ALCAM: variants seen among roughly 807,000 people sequenced by gnomAD.
ALCAM encodes the protein activated leukocyte cell adhesion molecule, also known as CD166 antigen.
Under a neutral mutation model 70.9 loss-of-function variants are expected in ALCAM, and 30 were observed. The ratio of observed to expected loss-of-function variants is 0.42; its 90% CI spans 0.32 to 0.57. The LOEUF (loss-of-function observed/expected upper bound fraction) is 0.57. Ranked by LOEUF, ALCAM falls within the 20% of genes least tolerant of loss-of-function variation. The probability of loss-of-function intolerance (pLI) is 0.11; values close to 1 mark genes in which losing one functional copy is unlikely to be tolerated. For synonymous variants in ALCAM, 249 were observed against 242.5 expected, an observed-to-expected ratio of 1.03 and a Z score of -0.25; for missense variants, 591 against 695.1, an observed-to-expected ratio of 0.85 and a Z score of 1.68.
chr3:105,375,117 T>C (rs1470133181), intron 1 of ALCAM, among the ~76,000 whole-genome samples: 1 of 152,234 alleles, frequency 6.6e-6, no homozygotes, highest in Non-Finnish European at 1.5e-5. Context: ...TCAACTTGTG[T>C]GTTACCTATT....
intron 1 of ALCAM, among the ~76,000 whole-genome samples, chr3:105,478,108 A>C (rs2152606401): frequency 6.6e-6 from 1 of 151,826 alleles, no homozygotes; most frequent in African/African-American, 2.4e-5. Context: ...TGTTTCTTCT[A>C]CTATCTAGTA....
intron 1 of ALCAM, among the ~76,000 whole-genome samples, chr3:105,400,449 C>A (rs1358977559): frequency 6.6e-6 from 1 of 152,014 alleles, no homozygotes; most frequent in Admixed American, 6.6e-5. Context: ...TTCATTGATA[C>A]TGTGAAGGAG....
Position 105,576,492 on chromosome 3 carries a change from G to C in ALCAM, c.*2041G>C, listed in dbSNP as rs1008622613. ...AAGAAGCAACATGACAATAGAGAGA[G>C]TTATGCTACAATTATTTCTTGGTTT... On this transcript the variant is annotated 3_prime_UTR_variant, in exon 16 of 16. Coordinates refer to ENST00000306107, the MANE Select transcript of ALCAM (RefSeq NM_001627.4). 1.3e-4 allele frequency: 20 copies of C among 152,534 alleles called. No individual in the cohort carries two copies. The highest frequency in any genetic ancestry group is 3.9e-4 in the African/African-American group (16 of 41,426). The allele number at this position is 152,534 out of a possible 1,614,324, so 9.4% of individuals were successfully genotyped here. A position where few individuals can be genotyped will look rare whatever the true frequency, so the allele number is the denominator to read the frequency against.
chr3:105,377,623 T>C (rs1391291064), intron 1 of ALCAM, among the ~76,000 whole-genome samples: 1 of 152,042 alleles, frequency 6.6e-6, no homozygotes, highest in Non-Finnish European at 1.5e-5. Flanking sequence ...AAAACCTATA[T>C]TGGTGCCTAA....
At chr3:105,454,197 T>G (rs1198132951) in intron 1 of ALCAM, among the ~76,000 whole-genome samples, 1 of 152,228 alleles carries the variant, frequency 6.6e-6, no homozygotes, top group African/African-American at 2.4e-5. Context: ...TTGCTTTTGT[T>G]GTCAATTAAT....
At chr3:105,514,401 G>A (rs1311049319) in intron 1 of ALCAM, among the ~76,000 whole-genome samples, 8 of 151,998 alleles carry the variant, frequency 5.3e-5, no homozygotes, top group East Asian at 1.9e-4. Flanking sequence ...AAACTGTGAC[G>A]TATCCAGCCC....
At chr3:105,488,814 G>A (rs1938503265) in intron 1 of ALCAM, among the ~76,000 whole-genome samples, 1 of 152,120 alleles carries the variant, frequency 6.6e-6, no homozygotes, top group East Asian at 1.9e-4. Context: ...GGATGTTAAT[G>A]CTTGATTGAT....
chr3:105,562,671 C>CCCAT lies in ALCAM; in HGVS notation c.1665-9178_1665-9175dup, dbSNP rs1437740588. On this transcript the variant is annotated intron_variant, in intron 14 of 15. Coordinates refer to ENST00000306107, the MANE Select transcript of ALCAM (RefSeq NM_001627.4). ...TTATAAAATGGATCAATAAAAGGGCCCCATCCTCTTCTTTTTCCAAGTTTG... is the reference window on the plus strand; with the variant it reads ...TTATAAAATGGATCAATAAAAGGGCCCCATCCATCCTCTTCTTTTTCCAAGTTTG... Among the ~76,000 whole-genome samples the CCCAT allele has an allele frequency of 1.3e-5, 2 of 151,884 alleles. 1 individual carries two copies. Among genetic ancestry groups the CCCAT allele is most frequent in the Admixed American group, 1.3e-4 (2 of 15,224 alleles).
At position 105,575,515 on chromosome 3, in the gene ALCAM, G is replaced by T. The variant is rs769558438; in HGVS notation, c.*1064G>T. The T allele has an allele frequency of 6.6e-6, 1 of 152,476 alleles. No homozygotes were observed. Among genetic ancestry groups the T allele is most frequent in the Non-Finnish European group, 1.5e-5 (1 of 68,026 alleles). The allele number at this position is 152,476 out of a possible 1,614,324, so 9.4% of individuals were successfully genotyped here. A position where few individuals can be genotyped will look rare whatever the true frequency, so the allele number is the denominator to read the frequency against. The stretch of plus-strand genomic sequence containing the variant: ...ACCCTACAGATATTGAATGCACCTT[G>T]AGATAATTTAGTGTTTTTAACTGAT... On this transcript the variant is annotated 3_prime_UTR_variant, in exon 16 of 16. Coordinates refer to ENST00000306107, the MANE Select transcript of ALCAM (RefSeq NM_001627.4).
chr3:105,480,470 G>A (rs1296776803), intron 1 of ALCAM, among the ~76,000 whole-genome samples: 2 of 152,196 alleles, frequency 1.3e-5, no homozygotes, highest in Non-Finnish European at 2.9e-5. Context: ...TGAGTGTGGT[G>A]TGTTAATATT....
At chr3:105,414,167 G>T (rs1936453817) in intron 1 of ALCAM, among the ~76,000 whole-genome samples, 2 of 151,898 alleles carry the variant, frequency 1.3e-5, no homozygotes, top group South Asian at 4.1e-4. Flanking sequence ...GGGAGGCTGA[G>T]GCTGGCGGAT....
chr3:105,573,211 C>T (rs2152636706), intron 15 of ALCAM, among the ~76,000 whole-genome samples: 1 of 152,252 alleles, frequency 6.6e-6, no homozygotes, highest in East Asian at 1.9e-4. Context: ...CCGATAATCC[C>T]AGCTACTCCA....
At chr3:105,458,155 C>G (rs186793564) in intron 1 of ALCAM, among the ~76,000 whole-genome samples, 1 of 151,290 alleles carries the variant, frequency 6.6e-6, no homozygotes, top group East Asian at 1.9e-4. Context: ...GGCCTCACTT[C>G]ATTCAGAGAT....
At chr3:105,566,409 C>T (rs138827090) in intron 14 of ALCAM, among the ~76,000 whole-genome samples, 26 of 152,238 alleles carry the variant, frequency 1.7e-4, no homozygotes, top group Admixed American at 1.7e-3. Flanking sequence ...GTTATAACTT[C>T]CTTATATATG....
rs149622390 is a variant in ALCAM, at chr3:105,367,095, G to C, written c.-314G>C. The C allele has an allele frequency of 0.012, 3,613 of 297,696 alleles. 44 individuals carry two copies. Among genetic ancestry groups the C allele is most frequent in the Non-Finnish European group, 0.016 (2,489 of 155,510 alleles). The allele number at this position is 297,696 out of a possible 1,614,324, so 18.4% of individuals were successfully genotyped here. ...AAATAAAAGAAGATACCAGCGAAAAGAACCGCTTACACCTTTCCGAATTAC... is the reference window on the plus strand; with the variant it reads ...AAATAAAAGAAGATACCAGCGAAAACAACCGCTTACACCTTTCCGAATTAC... On this transcript the variant is annotated 5_prime_UTR_variant, in exon 1 of 16. Coordinates refer to ENST00000306107, the MANE Select transcript of ALCAM (RefSeq NM_001627.4).
intron 14 of ALCAM, among the ~76,000 whole-genome samples, chr3:105,559,926 C>T (rs1158586372): frequency 6.6e-6 from 1 of 151,964 alleles, no homozygotes; most frequent in Non-Finnish European, 1.5e-5. Flanking sequence ...AGTGTTTAAT[C>T]ATTAGAATAT....
At chr3:105,411,227 C>A (rs116340594) in intron 1 of ALCAM, among the ~76,000 whole-genome samples, 1 of 152,018 alleles carries the variant, frequency 6.6e-6, no homozygotes, top group Non-Finnish European at 1.5e-5. Context: ...TGTTAGAGAT[C>A]ATTTGATCAG....
chr3:105,514,226 A>T (rs1488358544), intron 1 of ALCAM, among the ~76,000 whole-genome samples: 2 of 152,002 alleles, frequency 1.3e-5, no homozygotes, highest in Middle Eastern at 3.4e-3. Flanking sequence ...CACACCTAAA[A>T]CTTGCCCTGT....
intron 1 of ALCAM, among the ~76,000 whole-genome samples, chr3:105,423,625 A>G (rs1241565946): frequency 1.3e-5 from 2 of 151,538 alleles, no homozygotes; most frequent in Non-Finnish European, 3.0e-5. Flanking sequence ...TTAGATGAGT[A>G]TTAAATTCTT....
Sources: gnomAD v4.1 joint callset for allele counts (sites outside exome capture counted in the v4.1 genomes callset) on GRCh38, gnomAD v4.1.1 for gene constraint, MANE v1.5 for transcripts, NCBI Gene and HGNC (gene_info 2026-07-23, HGNC 2026-07-21) for gene names.